CLEC16A: variants seen among roughly 807,000 people sequenced by gnomAD.
CLEC16A encodes C-type lectin domain containing 16A.
A neutral mutation model predicts 109.5 loss-of-function variants in CLEC16A; 51 were observed. That is an observed-to-expected ratio of 0.47 (90% confidence interval 0.37 to 0.59). CLEC16A has a LOEUF of 0.59. Ranked by LOEUF, CLEC16A falls within the 20% of genes least tolerant of loss-of-function variation. The pLI, the probability that CLEC16A is intolerant of heterozygous loss-of-function variation, is 0.00. For synonymous variants in CLEC16A, 673 were observed against 564.2 expected (o/e 1.19, Z -2.73); for missense variants, 1,339 against 1,394.0 (o/e 0.96, Z 0.63).
chr16:10,994,520 C>G (rs558257262), intron 10 of CLEC16A, among the ~76,000 whole-genome samples: 179 of 152,204 alleles, frequency 1.2e-3, no homozygotes, highest in African/African-American at 4.1e-3. Context: ...GTGGGTGTGA[C>G]CTCCTGTGAC....
chr16:10,973,115 AT>A, intron 7 of CLEC16A, 54 bp downstream of exon 7: 2 of 1,535,818 alleles, frequency 1.3e-6, no homozygotes, highest in Non-Finnish European at 1.8e-6. Flanking sequence ...TTAGGGGAGA[AT>A]TCTGTTTTCA....
intron 22 of CLEC16A, among the ~76,000 whole-genome samples, chr16:11,133,666 G>C (rs1280066464): frequency 1.3e-5 from 2 of 151,918 alleles, no homozygotes; most frequent in Non-Finnish European, 2.9e-5. Context: ...TAACGTCCTA[G>C]GTGCTAATGT....
chr16:11,076,085 A>G (rs969378646), intron 19 of CLEC16A, among the ~76,000 whole-genome samples: 7 of 7,766 alleles, frequency 9.0e-4, no homozygotes, highest in Admixed American at 3.6e-3. Flanking sequence ...GGGATTCTAG[A>G]AAACTGGGAC....
At chr16:11,051,972 C>T (rs1159588944) in intron 18 of CLEC16A, among the ~76,000 whole-genome samples, 3 of 152,200 alleles carry the variant, frequency 2.0e-5, no homozygotes, top group African/African-American at 4.8e-5. Flanking sequence ...GAGCACGGTA[C>T]ATCCAGTGCA....
At chr16:11,109,813 C>A (rs572189730) in intron 19 of CLEC16A, among the ~76,000 whole-genome samples, 14 of 152,332 alleles carry the variant, frequency 9.2e-5, no homozygotes, top group Middle Eastern at 3.4e-3. Flanking sequence ...CTCTGATTAA[C>A]CACACGTGCT....
chr16:11,134,561 A>G (rs1340241910), intron 22 of CLEC16A, among the ~76,000 whole-genome samples: 3 of 152,314 alleles, frequency 2.0e-5, no homozygotes, highest in Non-Finnish European at 4.4e-5. Context: ...CTTATCCAAG[A>G]TGCTTGGGAC....
At position 10,973,039 on chromosome 16, in the gene CLEC16A, G is replaced by T; in HGVS notation, c.706G>T (p.Asp236Tyr). Residue 236 changes from aspartate (D) to tyrosine (Y), a missense_variant, in exon 7 of 24, where the codon GAC becomes TAC. Asp to Tyr is a radical substitution (Grantham distance 160). Coordinates refer to ENST00000409790, the MANE Select transcript of CLEC16A (RefSeq NM_015226.3). ...FIGSHVIELD[D>Y]CVQTDEEHRN... The stretch of plus-strand genomic sequence containing the variant: ...TGGGAGCCATGTGATCGAACTCGAT[G>T]ACTGCGTGCAGACTGATGAGGAGTA... 1 of 1,608,056 alleles carries T rather than the reference G, an allele frequency of 6.2e-7. No homozygotes were observed. Among genetic ancestry groups the T allele is most frequent in the South Asian group, 1.1e-5 (1 of 89,984 alleles).
At chr16:11,117,516 C>T (rs141300872) in intron 19 of CLEC16A, among the ~76,000 whole-genome samples, 1 of 152,156 alleles carries the variant, frequency 6.6e-6, no homozygotes, top group African/African-American at 2.4e-5. Context: ...ACAGTCATTG[C>T]AATTATTTGT....
At chr16:11,026,904 G>A (rs960855188) in intron 13 of CLEC16A, 60 of 833,582 alleles carry the variant, frequency 7.2e-5, no homozygotes, top group Admixed American at 4.5e-4. Flanking sequence ...CTAAGTGAAC[G>A]CTGACTGGGT....
At chr16:11,057,357 C>A (rs1180345605) in intron 18 of CLEC16A, among the ~76,000 whole-genome samples, 1 of 152,244 alleles carries the variant, frequency 6.6e-6, no homozygotes, top group Non-Finnish European at 1.5e-5. Flanking sequence ...CTCAGCACAT[C>A]ACCGGTGCCA....
chr16:11,124,711 A>T (rs77488853), intron 21 of CLEC16A, among the ~76,000 whole-genome samples: 210 of 152,302 alleles, frequency 1.4e-3, no homozygotes, highest in Non-Finnish European at 2.2e-3. Context: ...CAGTTCAGGC[A>T]CCAGTGCTCA....
intron 13 of CLEC16A, among the ~76,000 whole-genome samples, chr16:11,026,645 G>GTTT (rs35679277): frequency 1.5e-4 from 16 of 106,416 alleles, no homozygotes; most frequent in African/African-American, 5.5e-4. Context: ...TTTGTTTGGG[G>GTTT]TTTTTTTTTT....
At chr16:11,173,049 G>A (rs1176504975) in intron 23 of CLEC16A, among the ~76,000 whole-genome samples, 1 of 152,206 alleles carries the variant, frequency 6.6e-6, no homozygotes, top group African/African-American at 2.4e-5. Flanking sequence ...CCCTGTGCCT[G>A]TGTCCAAGAG....
At chr16:11,045,456 A>G (rs1368894610) in intron 16 of CLEC16A, among the ~76,000 whole-genome samples, 1 of 152,158 alleles carries the variant, frequency 6.6e-6, no homozygotes, top group East Asian at 1.9e-4. Flanking sequence ...AGATGGCACC[A>G]TCTTACTGGA....
intron 19 of CLEC16A, among the ~76,000 whole-genome samples, chr16:11,107,303 G>T (rs1000879375): frequency 6.6e-6 from 1 of 151,924 alleles, no homozygotes; most frequent in Non-Finnish European, 1.5e-5. Context: ...GCAGTAGAAA[G>T]GTGCCAAGAC....
intron 11 of CLEC16A, among the ~76,000 whole-genome samples, chr16:11,015,029 TA>T (rs1336505722): frequency 6.6e-6 from 1 of 152,218 alleles, no homozygotes; most frequent in African/African-American, 2.4e-5. Context: ...CATGCCCACA[TA>T]GCACTTTGCA....
intron 10 of CLEC16A, among the ~76,000 whole-genome samples, chr16:10,988,056 C>G (rs1339421382): frequency 1.3e-5 from 2 of 152,236 alleles, no homozygotes; most frequent in African/African-American, 4.8e-5. Flanking sequence ...CTGCTAAAGG[C>G]TAATTCTTGC....
intron 1 of CLEC16A, among the ~76,000 whole-genome samples, chr16:10,951,973 A>C (rs1264650272): frequency 1.3e-5 from 2 of 152,236 alleles, no homozygotes; most frequent in Non-Finnish European, 2.9e-5. Flanking sequence ...AATAACCAAA[A>C]AAAGTGCTTT....
chr16:10,949,669 G>C (rs546428749), intron 1 of CLEC16A, among the ~76,000 whole-genome samples: 2 of 152,320 alleles, frequency 1.3e-5, no homozygotes, highest in Admixed American at 6.5e-5. Flanking sequence ...CTATGAGTGA[G>C]AACAGTAGGG....
Sources: allele counts gnomAD v4.1 joint callset (sites outside exome capture counted in the v4.1 genomes callset), GRCh38; gene constraint gnomAD v4.1.1; transcripts MANE v1.5; gene names NCBI Gene and HGNC (gene_info 2026-07-23, HGNC 2026-07-21).